Variants in SSX2IP observed in about 807,000 individuals in gnomAD.
SSX2IP encodes the protein SSX family member 2 interacting protein.
A neutral mutation model predicts 84.9 loss-of-function variants in SSX2IP; 55 were observed. The observed-to-expected ratio is 0.65, with a 90% confidence interval of 0.52 to 0.81. SSX2IP has a LOEUF of 0.81. Among genes scored for constraint, SSX2IP ranks in the 30% least tolerant of loss-of-function variants. The probability of loss-of-function intolerance (pLI) is 0.00; values close to 1 mark genes in which losing one functional copy is unlikely to be tolerated. For missense variants in SSX2IP, 664 were observed against 705.2 expected (o/e 0.94, Z 0.66); for synonymous variants, 239 against 234.7 (o/e 1.02, Z -0.17).
Position 84,666,039 on chromosome 1 carries a change from G to C in SSX2IP, c.537+83C>G. 3.1e-6 allele frequency: 3 copies of C among 976,556 alleles called. No homozygotes were observed. The South Asian group carries it at 4.4e-5, about 14-fold the overall frequency. 60.5% of individuals were successfully genotyped at this position (976,556 alleles called of 1,614,324 possible). ...AATAAATGGTTCTTTCTTTTTTCAAGTAAAGTGGCTCTTATGGTCATCTCA... is the reference window on the plus strand; with the variant it reads ...AATAAATGGTTCTTTCTTTTTTCAACTAAAGTGGCTCTTATGGTCATCTCA... On this transcript the variant is annotated intron_variant, in intron 5 of 13. Transcript: ENST00000342203.
intron 1 of SSX2IP, among the ~76,000 whole-genome samples, chr1:84,677,498 C>CA (rs1326325812): frequency 6.6e-6 from 1 of 152,100 alleles, no homozygotes; most frequent in African/African-American, 2.4e-5. Context: ...GGATGGCTCT[C>CA]AGTTATTTCT....
At chr1:84,653,853 T>A (rs548154476) in intron 11 of SSX2IP, among the ~76,000 whole-genome samples, 15 of 117,058 alleles carry the variant, frequency 1.3e-4, no homozygotes, top group South Asian at 6.4e-4. Flanking sequence ...AAATCTTTTT[T>A]AAAAATGTAA....
intron 11 of SSX2IP, 198 bp downstream of exon 11, chr1:84,655,634 C>T: frequency 1.3e-6 from 2 of 1,509,434 alleles, no homozygotes; most frequent in Non-Finnish European, 1.8e-6. Flanking sequence ...TTCTTAAGTT[C>T]AATTCTCAAA....
chr1:84,680,714 T>C (rs943706636), intron 1 of SSX2IP, among the ~76,000 whole-genome samples: 6 of 151,666 alleles, frequency 4.0e-5, no homozygotes, highest in African/African-American at 1.5e-4. Flanking sequence ...AACACAAAAG[T>C]TGGTATAAGG....
intron 10 of SSX2IP, 88 bp from the exon 11 acceptor site, chr1:84,656,093 C>T (rs1651060169): frequency 2.4e-6 from 3 of 1,225,142 alleles, no homozygotes; most frequent in Non-Finnish European, 3.4e-6. Flanking sequence ...GCCAGTCAAA[C>T]TTCAGGGCAG....
chr1:84,652,115 T>G (rs535819815), intron 11 of SSX2IP, 118 bp from the exon 12 acceptor site: 84 of 715,220 alleles, frequency 1.2e-4, no homozygotes, highest in African/African-American at 1.1e-3. Flanking sequence ...GTACTTCTTA[T>G]GTCAAATGAG....
At chr1:84,689,814 GCCTCTT>G (rs1484491335) in intron 1 of SSX2IP, among the ~76,000 whole-genome samples, 1 of 152,200 alleles carries the variant, frequency 6.6e-6, no homozygotes, top group Non-Finnish European at 1.5e-5. Flanking sequence ...ACACATGCCT[GCCTCTT>G]GGATGATGTA....
At chr1:84,684,971 G>C (rs1655586370) in intron 1 of SSX2IP, among the ~76,000 whole-genome samples, 1 of 151,742 alleles carries the variant, frequency 6.6e-6, no homozygotes, top group Non-Finnish European at 1.5e-5. Context: ...AGAGGAAAAA[G>C]GAATGGAGGG....
chr1:84,658,760 G>A (rs1166189765), intron 8 of SSX2IP, among the ~76,000 whole-genome samples: 1 of 152,158 alleles, frequency 6.6e-6, no homozygotes, highest in Non-Finnish European at 1.5e-5. Context: ...ATGTTTTCAC[G>A]TTATTTAACC....
chr1:84,655,740 A>G, intron 11 of SSX2IP, 92 bp downstream of exon 11: 1 of 1,463,182 alleles, frequency 6.8e-7, no homozygotes, highest in Admixed American at 2.4e-5. Flanking sequence ...GAAAATAAGT[A>G]AATAGCAAGA....
rs1274634427 is a variant in SSX2IP at position 84,643,897 on chromosome 1, TCAAC to T, written c.*3532_*3535del. ...TTATTTGTAAATGTTCAAAAAAACCTCAACCAGTCATTTGATTTCATATAAATCA... is the reference window on the plus strand; with the variant it reads ...TTATTTGTAAATGTTCAAAAAAACCTCAGTCATTTGATTTCATATAAATCA... On this transcript the variant is annotated 3_prime_UTR_variant, in exon 14 of 14. Coordinates refer to ENST00000342203, the MANE Select transcript of SSX2IP (RefSeq NM_001166293.2). The T allele has an allele frequency of 6.6e-6, 1 of 152,132 alleles. No homozygotes were observed. The highest frequency in any genetic ancestry group is 1.5e-5 in the Non-Finnish European group (1 of 68,014). The allele number at this position is 152,132 out of a possible 1,614,324, so 9.4% of individuals were successfully genotyped here. A position where few individuals can be genotyped will look rare whatever the true frequency, so the allele number is the denominator to read the frequency against.
In SSX2IP at chr1:84,666,151, G is replaced by A; in HGVS notation, c.508C>T (p.His170Tyr). ...RQLQCKNRNLHQLLKNEKDEV... is the reference protein window; with the variant it reads ...RQLQCKNRNLYQLLKNEKDEV... The stretch of plus-strand genomic sequence containing the variant: ...TCTTTCTCATTCTTTAGTAGCTGAT[G>A]CAAATTCCTGTTCTTACATTGTAAC... The change falls in exon 5 of 14, where the codon CAT becomes TAT. Residue 170 changes from histidine (H) to tyrosine (Y), a missense_variant. By Grantham distance (83) the His-to-Tyr change is moderately conservative. Coordinates refer to ENST00000342203, the MANE Select transcript of SSX2IP (RefSeq NM_001166293.2). 6.2e-7 allele frequency: 1 copy of A among 1,611,810 alleles called. No individual in the cohort carries two copies. The highest frequency in any genetic ancestry group is 2.2e-5 in the East Asian group (1 of 44,742).
intron 1 of SSX2IP, among the ~76,000 whole-genome samples, chr1:84,687,002 T>C (rs1421178237): frequency 6.6e-6 from 1 of 152,172 alleles, no homozygotes; most frequent in Non-Finnish European, 1.5e-5. Flanking sequence ...AAAAATCCTG[T>C]CTTTAAAGTC....
chr1:84,658,335 T>G lies in SSX2IP; in HGVS notation c.1061A>C (p.Glu354Ala). 6.2e-7 allele frequency: 1 copy of G among 1,614,114 alleles called. No homozygotes were observed. Among genetic ancestry groups the G allele is most frequent in the Non-Finnish European group, 8.5e-7 (1 of 1,180,000 alleles). ...KQWRILKSHV[E>A]KLDNQVSKVH... ...GTGGTTACCTTGGTTATCAAGCTTT[T>G]CTACATGACTTTTCAAAATTCTCCA... Residue 354 changes from glutamate (E) to alanine (A), a missense_variant, in exon 9 of 14, where the codon GAA becomes GCA. Coordinates refer to ENST00000342203, the MANE Select transcript of SSX2IP (RefSeq NM_001166293.2).
chr1:84,663,242 T>C (rs1285181223), intron 6 of SSX2IP, among the ~76,000 whole-genome samples: 1 of 152,132 alleles, frequency 6.6e-6, no homozygotes, highest in East Asian at 1.9e-4. Context: ...TTAGAGTTAA[T>C]AAAATCATTA....
chr1:84,688,267 T>G (rs949339932), intron 1 of SSX2IP, among the ~76,000 whole-genome samples: 2 of 152,188 alleles, frequency 1.3e-5, no homozygotes, highest in Non-Finnish European at 2.9e-5. Context: ...TCAAGATAAC[T>G]TGTACCTTCA....
In SSX2IP at chr1:84,670,676, ATTATC is replaced by A; in HGVS notation, c.178_182del (p.Asp60TyrfsTer2). ...CAAGATATGAGATACTCTGTTCAAT[ATTATC>A]TTCTGTGCAGAAGGCACTGAAAAAA... is the stretch of plus-strand genomic sequence containing the variant. On this transcript the variant is annotated frameshift_variant, in exon 3 of 14. Coordinates refer to ENST00000342203, the MANE Select transcript of SSX2IP (RefSeq NM_001166293.2). LOFTEE classifies it high-confidence loss of function. 1 of 1,611,462 alleles carries A rather than the reference ATTATC, an allele frequency of 6.2e-7. No individual in the cohort carries two copies. Among genetic ancestry groups the A allele is most frequent in the Non-Finnish European group, 8.5e-7 (1 of 1,178,636 alleles).
chr1:84,654,832 G>A (rs1406098383), intron 11 of SSX2IP, among the ~76,000 whole-genome samples: 2 of 152,004 alleles, frequency 1.3e-5, no homozygotes, highest in Non-Finnish European at 2.9e-5. Context: ...TGTATTAGAG[G>A]ACAAACTATG....
At chr1:84,682,792 C>T (rs576518101) in intron 1 of SSX2IP, among the ~76,000 whole-genome samples, 39 of 152,248 alleles carry the variant, frequency 2.6e-4, no homozygotes, top group Admixed American at 8.5e-4. Flanking sequence ...TGAGCCATCA[C>T]GCACTGCCTT....
Sources: gnomAD v4.1 joint callset for allele counts (sites outside exome capture counted in the v4.1 genomes callset) on GRCh38, gnomAD v4.1.1 for gene constraint, MANE v1.5 for transcripts, NCBI Gene and HGNC (gene_info 2026-07-23, HGNC 2026-07-21) for gene names.